The following WDR17 variants were observed in gnomAD, a reference collection of about 807,000 sequenced individuals.
WDR17 encodes WD repeat domain 17.
WDR17 carries 143 observed loss-of-function variants against 161.7 expected under a neutral mutation model. That is an observed-to-expected ratio of 0.88 (90% CI 0.77 to 1.02). The LOEUF is 1.02. WDR17 is among the 50% of genes least tolerant of loss of function. WDR17 has a pLI of 0.00. For missense variants in WDR17, 1,469 were observed against 1,520.9 expected, an observed-to-expected ratio of 0.97 and a Z score of 0.57; for synonymous variants, 517 against 515.6, an observed-to-expected ratio of 1.00 and a Z score of -0.04.
chr4:176,150,310 A>G (rs978956160), intron 15 of WDR17, 137 bp downstream of exon 15: 96 of 1,455,148 alleles, frequency 6.6e-5, no homozygotes, highest in Non-Finnish European at 8.3e-5. Flanking sequence ...CACTATAAGA[A>G]AGCAAATGTA....
intron 18 of WDR17, among the ~76,000 whole-genome samples, chr4:176,157,662 G>A (rs1317879091): frequency 6.6e-6 from 1 of 152,206 alleles, no homozygotes; most frequent in Non-Finnish European, 1.5e-5. Context: ...TTCCATTTAA[G>A]ACCAAAGTGG....
At chr4:176,172,879 A>G (rs189236604) in intron 24 of WDR17, among the ~76,000 whole-genome samples, 3 of 152,206 alleles carry the variant, frequency 2.0e-5, no homozygotes, top group African/African-American at 7.2e-5. Context: ...ACAAGAATTC[A>G]CTCATCACCA....
chr4:176,117,491 T>C (rs1166409188), intron 3 of WDR17, among the ~76,000 whole-genome samples: 14 of 152,100 alleles, frequency 9.2e-5, no homozygotes, highest in Admixed American at 2.6e-4. Context: ...TATAACTGCA[T>C]ATAATAAACA....
At chr4:176,138,011 G>A (rs1041517036) in intron 9 of WDR17, among the ~76,000 whole-genome samples, 3 of 151,602 alleles carry the variant, frequency 2.0e-5, no homozygotes, top group Admixed American at 2.0e-4. Flanking sequence ...GGATTATATA[G>A]TTTCTTAGAT....
At chr4:176,141,821 A>G (rs1389858497) in intron 10 of WDR17, among the ~76,000 whole-genome samples, 162 bp from the exon 11 acceptor site, 1 of 152,228 alleles carries the variant, frequency 6.6e-6, no homozygotes. Flanking sequence ...TATACTTATA[A>G]TTGGTAACAT....
In WDR17 at chr4:176,181,574, C is replaced by G. The variant is rs1161565414; in HGVS notation, c.*1995C>G. ...AGTACCTGAGATGTATTTTTTTAAA[C>G]TCTTAGAGATATCTGTAACTCAAAT... On this transcript the variant is annotated 3_prime_UTR_variant, in exon 29 of 29. Transcript: ENST00000508596. 5.4e-6 allele frequency: 1 copy of G among 185,396 alleles called. No homozygotes were observed. Among genetic ancestry groups the G allele is most frequent in the East Asian group, 1.7e-4 (1 of 5,980 alleles). 11.5% of individuals were successfully genotyped at this position (185,396 alleles called of 1,614,324 possible).
intron 1 of WDR17, among the ~76,000 whole-genome samples, chr4:176,101,378 T>C (rs1302704007): frequency 6.6e-6 from 1 of 152,126 alleles, no homozygotes; most frequent in Non-Finnish European, 1.5e-5. Flanking sequence ...CTTTCTTTTA[T>C]GTAGTTCATC....
chr4:176,107,267 A>G (rs1738900027), intron 1 of WDR17, among the ~76,000 whole-genome samples: 1 of 151,946 alleles, frequency 6.6e-6, no homozygotes, highest in South Asian at 2.1e-4. Flanking sequence ...TAGAATGGCT[A>G]TTATCAAATA....
At chr4:176,151,655 G>A (rs968362952) in intron 16 of WDR17, among the ~76,000 whole-genome samples, 157 bp from the exon 17 acceptor site, 1 of 152,054 alleles carries the variant, frequency 6.6e-6, no homozygotes, top group African/African-American at 2.4e-5. Flanking sequence ...AGGGTAATTG[G>A]GGTATCCATC....
At chr4:176,102,703 A>G (rs1453077568) in intron 1 of WDR17, among the ~76,000 whole-genome samples, 1 of 152,180 alleles carries the variant, frequency 6.6e-6, no homozygotes, top group African/African-American at 2.4e-5. Flanking sequence ...GGCACTAGAA[A>G]TCTCTCTCCC....
chr4:176,119,508 G>T (rs1741198317), intron 3 of WDR17, among the ~76,000 whole-genome samples: 1 of 151,974 alleles, frequency 6.6e-6, no homozygotes, highest in South Asian at 2.1e-4. Context: ...ACACTACCTT[G>T]TATACCTAGA....
chr4:176,150,987 A>G (rs1488713288), intron 16 of WDR17, among the ~76,000 whole-genome samples: 1 of 152,196 alleles, frequency 6.6e-6, no homozygotes, highest in African/African-American at 2.4e-5. Context: ...AAAAACTACT[A>G]GTTACCTCAT....
intron 27 of WDR17, 36 bp from the exon 28 acceptor site, chr4:176,177,435 G>A (rs368720177): frequency 1.0e-5 from 15 of 1,488,190 alleles, no homozygotes; most frequent in Admixed American, 4.9e-5. Context: ...TCTGTGATTC[G>A]ACAAAATGAA....
intron 17 of WDR17, among the ~76,000 whole-genome samples, chr4:176,152,199 A>C (rs1747242193): frequency 6.7e-6 from 1 of 150,268 alleles, no homozygotes; most frequent in African/African-American, 2.5e-5. Flanking sequence ...GGAAGCTAAG[A>C]TGAGAGGATC....
Position 176,115,040 on chromosome 4 carries a change from T to C in WDR17, c.124-756T>C, listed in dbSNP as rs185114471. On this transcript the variant is annotated intron_variant, in intron 2 of 28. Transcript: ENST00000508596. ...AGGCTGTTTATCAGTTAGGATTTTA[T>C]TGCAAGCATATAGCTTTAAAAAGTT... Among the ~76,000 whole-genome samples, 809 of 152,096 alleles carry C rather than the reference T, an allele frequency of 5.3e-3. 11 individuals carry two copies. Among genetic ancestry groups the C allele is most frequent in the Non-Finnish European group, 6.1e-3 (414 of 67,934 alleles).
rs750212457 is a variant in WDR17 at position 176,156,072 on chromosome 4, A to G, written c.2461-7A>G. The G allele has an allele frequency of 2.2e-5, 35 of 1,612,328 alleles. No homozygotes were observed. The highest frequency in any genetic ancestry group is 5.4e-5 in the African/African-American group (4 of 74,750). On this transcript the variant is annotated splice_region_variant and splice_polypyrimidine_tract_variant and intron_variant, in intron 17 of 28. Coordinates refer to ENST00000508596, the MANE Select transcript of WDR17 (RefSeq NM_181265.4). ...TATGCTCCTGCCCTTTTTGCCTTCT[A>G]TTGTAGTGGGACAAAGCCCTGTCAA...
chr4:176,124,609 C>A (rs1362503440), intron 4 of WDR17, among the ~76,000 whole-genome samples: 2 of 151,972 alleles, frequency 1.3e-5, no homozygotes, highest in Admixed American at 6.6e-5. Context: ...AAGAAAAAAA[C>A]CACAAGACTG....
At chr4:176,114,751 G>A (rs1014535742) in intron 2 of WDR17, among the ~76,000 whole-genome samples, 1 of 151,720 alleles carries the variant, frequency 6.6e-6, no homozygotes, top group African/African-American at 2.4e-5. Context: ...TAGGTTCTGG[G>A]GCGAGTTATG....
chr4:176,140,007 T>A (rs1415502668), intron 10 of WDR17, 33 bp downstream of exon 10: 1 of 1,527,186 alleles, frequency 6.5e-7, no homozygotes, highest in Non-Finnish European at 9.0e-7. Flanking sequence ...GATATGAAAT[T>A]ACACTGTTTA....
Sources: allele counts gnomAD v4.1 joint callset (sites outside exome capture counted in the v4.1 genomes callset), GRCh38; gene constraint gnomAD v4.1.1; transcripts MANE v1.5; gene names NCBI Gene and HGNC (gene_info 2026-07-23, HGNC 2026-07-21).